Variants in ADAMTSL1 observed in about 807,000 individuals in gnomAD.
ADAMTSL1 encodes ADAMTS like 1.
Under a neutral mutation model 201.8 loss-of-function variants are expected in ADAMTSL1, and 126 were observed. That is an observed-to-expected ratio of 0.62 (90% CI 0.54 to 0.72). The LOEUF (loss-of-function observed/expected upper bound fraction) is 0.72. Among genes scored for constraint, ADAMTSL1 ranks in the 30% least tolerant of loss-of-function variants. The pLI, the probability that ADAMTSL1 is intolerant of heterozygous loss-of-function variation, is 0.00. For missense variants in ADAMTSL1, 2,679 were observed against 2,277.8 expected, an observed-to-expected ratio of 1.18 and a Z score of -3.59; for synonymous variants, 1,121 against 903.4, an observed-to-expected ratio of 1.24 and a Z score of -4.32.
intron 1 of ADAMTSL1, among the ~76,000 whole-genome samples, chr9:18,079,743 A>C (rs1450967274): frequency 6.6e-6 from 1 of 151,944 alleles, no homozygotes; most frequent in African/African-American, 2.4e-5. Context: ...AAAAATAAAA[A>C]GCAACCATTG....
chr9:18,536,394 C>T (rs1361322735), intron 3 of ADAMTSL1, among the ~76,000 whole-genome samples: 3 of 150,850 alleles, frequency 2.0e-5, no homozygotes, highest in East Asian at 2.0e-4. Context: ...TTGGGGAGTT[C>T]GTATTCCCCA....
At chr9:18,401,915 A>C (rs1319775026) in intron 2 of ADAMTSL1, among the ~76,000 whole-genome samples, 1 of 152,196 alleles carries the variant, frequency 6.6e-6, no homozygotes, top group Non-Finnish European at 1.5e-5. Flanking sequence ...CAGCATTTCT[A>C]GCACAAGTAA....
intron 1 of ADAMTSL1, among the ~76,000 whole-genome samples, chr9:18,488,427 A>G (rs1249096716): frequency 1.3e-5 from 2 of 152,206 alleles, no homozygotes; most frequent in African/African-American, 4.8e-5. Flanking sequence ...TTCAATGAGT[A>G]TAGACCTCTG....
chr9:18,356,234 G>A (rs994734285), intron 2 of ADAMTSL1, among the ~76,000 whole-genome samples: 1 of 152,178 alleles, frequency 6.6e-6, no homozygotes, highest in Non-Finnish European at 1.5e-5. Flanking sequence ...GGAAGGGCAG[G>A]CAAATGGGAG....
At chr9:18,303,321 T>G (rs1035629119) in intron 2 of ADAMTSL1, among the ~76,000 whole-genome samples, 1 of 152,226 alleles carries the variant, frequency 6.6e-6, no homozygotes, top group Non-Finnish European at 1.5e-5. Flanking sequence ...CTCCACACTT[T>G]GATCCTCCCA....
At chr9:17,991,380 C>T (rs897970852) in intron 1 of ADAMTSL1, among the ~76,000 whole-genome samples, 1 of 152,052 alleles carries the variant, frequency 6.6e-6, no homozygotes, top group South Asian at 2.1e-4. Flanking sequence ...TATATGTAGA[C>T]AGGTGGGTCT....
intron 7 of ADAMTSL1, among the ~76,000 whole-genome samples, chr9:18,640,838 C>G (rs954100010): frequency 1.3e-5 from 2 of 152,024 alleles, no homozygotes; most frequent in Non-Finnish European, 2.9e-5. Flanking sequence ...TTTTTCTCAT[C>G]TGAACTAGTA....
At chr9:18,807,635 G>T (rs1823234976) in intron 20 of ADAMTSL1, among the ~76,000 whole-genome samples, 1 of 140,086 alleles carries the variant, frequency 7.1e-6, no homozygotes, top group Non-Finnish European at 1.5e-5. Context: ...GACAGAGCGA[G>T]ACTCTGTCTC....
intron 2 of ADAMTSL1, among the ~76,000 whole-genome samples, chr9:18,180,358 C>A (rs1309526876): frequency 1.3e-5 from 2 of 151,920 alleles, no homozygotes; most frequent in South Asian, 2.1e-4. Flanking sequence ...ACGGTGAAAC[C>A]CCGTCTCTAC....
At chr9:18,624,444 G>T (rs995116790) in intron 5 of ADAMTSL1, among the ~76,000 whole-genome samples, 1 of 152,138 alleles carries the variant, frequency 6.6e-6, no homozygotes, top group African/African-American at 2.4e-5. Flanking sequence ...AATGCTAAAA[G>T]AATTAAAATC....
intron 1 of ADAMTSL1, among the ~76,000 whole-genome samples, chr9:18,095,415 TC>T (rs1824203637): frequency 4.4e-5 from 6 of 135,110 alleles, no homozygotes; most frequent in Non-Finnish European, 3.2e-5. Context: ...CTTCTTTCTT[TC>T]TTTTTTTTTT....
At chr9:18,738,749 C>T (rs1818658770) in intron 15 of ADAMTSL1, among the ~76,000 whole-genome samples, 1 of 152,046 alleles carries the variant, frequency 6.6e-6, no homozygotes. Flanking sequence ...ATGTGGGAGG[C>T]AAGCAAAATT....
intron 15 of ADAMTSL1, among the ~76,000 whole-genome samples, chr9:18,731,106 C>A (rs1818192958): frequency 6.6e-6 from 1 of 152,122 alleles, no homozygotes; most frequent in Non-Finnish European, 1.5e-5. Context: ...GGAATCTTGG[C>A]AATTTTTAAG....
chr9:18,405,148 G>A (rs901164480), intron 2 of ADAMTSL1, among the ~76,000 whole-genome samples: 3 of 152,106 alleles, frequency 2.0e-5, no homozygotes, highest in Non-Finnish European at 4.4e-5. Context: ...TCTTTATGGT[G>A]CTGTGCAGTT....
intron 1 of ADAMTSL1, among the ~76,000 whole-genome samples, chr9:17,935,895 A>G (rs1344464267): frequency 5.9e-5 from 9 of 152,122 alleles, no homozygotes. Flanking sequence ...CTCCTGCTTA[A>G]CGCCCTCCAG....
intron 2 of ADAMTSL1, among the ~76,000 whole-genome samples, chr9:18,367,895 T>A (rs922915654): frequency 6.6e-6 from 1 of 151,740 alleles, no homozygotes; most frequent in Admixed American, 6.6e-5. Context: ...TTTTTATTTT[T>A]ATTTTATTTT....
chr9:18,194,385 A>C (rs17198023), intron 2 of ADAMTSL1, among the ~76,000 whole-genome samples: 13,832 of 152,014 alleles, frequency 0.091, 811 homozygotes, highest in Middle Eastern at 0.21. Context: ...AGAGGACAGA[A>C]ATTTAACAAA....
chr9:18,789,442 C>T (rs780437645), intron 19 of ADAMTSL1, among the ~76,000 whole-genome samples: 42 of 152,286 alleles, frequency 2.8e-4, no homozygotes, highest in Admixed American at 9.8e-4. Context: ...TTAATGGCTC[C>T]GGAGTCTGTC....
intron 9 of ADAMTSL1, among the ~76,000 whole-genome samples, chr9:18,668,013 G>A (rs994346887): frequency 6.6e-6 from 1 of 151,784 alleles, no homozygotes; most frequent in Non-Finnish European, 1.5e-5. Context: ...AATTTACATG[G>A]GACTTAGGCC....
Sources: allele counts gnomAD v4.1 joint callset (sites outside exome capture counted in the v4.1 genomes callset), GRCh38; gene constraint gnomAD v4.1.1; transcripts MANE v1.5; gene names NCBI Gene and HGNC (gene_info 2026-07-23, HGNC 2026-07-21).